Variants in TOR4A observed in about 807,000 individuals in gnomAD.
TOR4A encodes torsin family 4 member A.
A neutral mutation model predicts 11.5 loss-of-function variants in TOR4A; 12 were observed. That is an observed-to-expected ratio of 1.04 (90% CI 0.67 to 1.69). The LOEUF is 1.69. Among genes scored for constraint, TOR4A ranks in the 40% most tolerant of loss-of-function variants. The pLI is 0.00. For synonymous variants in TOR4A, 362 were observed against 307.4 expected (o/e 1.18, Z -1.86); for missense variants, 640 against 643.2 (o/e 0.99, Z 0.05).
In TOR4A at chr9:137,279,470, C is replaced by G; in HGVS notation, c.781C>G (p.Pro261Ala). Residue 261 changes from proline to alanine, a missense_variant, in exon 2 of 2, where the codon CCA (proline) becomes GCA (alanine). Pro to Ala is a conservative substitution (Grantham distance 27). Coordinates refer to ENST00000357503, the MANE Select transcript of TOR4A (RefSeq NM_017723.3). ...GCGGGCCGAAGCGGAGGAGAAGACC[C>G]CACTCTTGGTGCTGGACGACGTGGA... The part of the protein sequence containing the change: ...VARAEAEEKT[P>A]LLVLDDVELM... 1.3e-6 allele frequency: 2 copies of G among 1,554,348 alleles called. No individual in the cohort carries two copies. The highest frequency in any genetic ancestry group is 1.7e-6 in the Non-Finnish European group (2 of 1,150,762).
chr9:137,279,854 G>T lies in TOR4A; in HGVS notation c.1165G>T (p.Ala389Ser). 1 of 1,590,422 alleles carries T rather than the reference G, an allele frequency of 6.3e-7. No individual in the cohort carries two copies. ...MAGEGFFPDQ[A>S]RAENLAAQLS... ...GGGTGAGGGCTTCTTTCCTGACCAG[G>T]CCCGCGCGGAGAACCTGGCCGCGCA... The change falls in exon 2 of 2, where the codon GCC (alanine) becomes TCC (serine). Residue 389 changes from alanine to serine, a missense_variant. Coordinates refer to ENST00000357503, the MANE Select transcript of TOR4A (RefSeq NM_017723.3).
Position 137,279,143 on chromosome 9 carries a change from G to A in TOR4A, c.454G>A (p.Gly152Arg). ...TAACGCGCAGCGCTATGACCTCGAC[G>A]GGCTGGAGAAAGCGCTGCAGCGCGC... is the stretch of plus-strand genomic sequence containing the variant. ...DDNAQRYDLDGLEKALQRAVF... is the reference protein window; with the variant it reads ...DDNAQRYDLDRLEKALQRAVF... Residue 152 changes from glycine to arginine, a missense_variant, in exon 2 of 2, where the codon GGG becomes AGG. Transcript: ENST00000357503. 6.3e-7 allele frequency: 1 copy of A among 1,579,430 alleles called. No individual in the cohort carries two copies. The highest frequency in any genetic ancestry group is 8.6e-7 in the Non-Finnish European group (1 of 1,163,118).
At position 137,279,946 on chromosome 9, in the gene TOR4A, G is replaced by A. The variant is rs1436196938; in HGVS notation, c.1257G>A (p.Thr419=). 6.3e-7 allele frequency: 1 copy of A among 1,578,942 alleles called. No homozygotes were observed. The highest frequency in any genetic ancestry group is 1.8e-5 in the Admixed American group (1 of 55,416). Residue 419 remains threonine (T), a synonymous_variant, in exon 2 of 2, where the codon ACG becomes ACA. Transcript: ENST00000357503. The part of the protein sequence containing the change: ...AVTGCKQVVA[T]VNLL ...CCGGCTGCAAGCAGGTGGTGGCCAC[G>A]GTGAACCTCCTGTAGTGGAGGCGCA...
rs1830693191 is a variant in TOR4A at position 137,279,729 on chromosome 9, T to G, written c.1040T>G (p.Val347Gly). The change falls in exon 2 of 2, where the codon GTG becomes GGG. Residue 347 changes from valine (V) to glycine (G), a missense_variant. Transcript: ENST00000357503. The part of the protein sequence containing the change: ...EEDLRASLLA[V>G]LSREHPLWQA... ...GACCTGCGCGCCAGCCTGCTGGCTG[T>G]GCTGTCCCGGGAGCATCCGCTGTGG... The G allele has an allele frequency of 3.8e-6, 6 of 1,576,732 alleles. No homozygotes were observed. Among genetic ancestry groups the G allele is most frequent in the South Asian group, 1.1e-5 (1 of 88,152 alleles).
chr9:137,278,375 C>T (rs906835571), intron 1 of TOR4A, among the ~76,000 whole-genome samples: 4 of 152,202 alleles, frequency 2.6e-5, no homozygotes, highest in African/African-American at 9.6e-5. Flanking sequence ...ACCAGATAAG[C>T]CTCTACCCCG....
chr9:137,278,017 C>CG (rs763636112), intron 1 of TOR4A, 110 bp downstream of exon 1: 4 of 152,972 alleles, frequency 2.6e-5, no homozygotes, highest in Non-Finnish European at 5.8e-5. Flanking sequence ...CACTAGTCTC[C>CG]GGGGGGCTCC....
chr9:137,282,436 C>T lies in TOR4A; in HGVS notation c.*2475C>T, dbSNP rs1223241607. On this transcript the variant is annotated 3_prime_UTR_variant, in exon 2 of 2. Transcript: ENST00000357503. Reference sequence around the variant, plus strand: ...CAGGCTAGTCACGAACTCCTGACCTCGTGATCCGCCCACCTCGGCCTCCCA... The same window carrying T: ...CAGGCTAGTCACGAACTCCTGACCTTGTGATCCGCCCACCTCGGCCTCCCA... 6.2e-6 allele frequency: 1 copy of T among 162,432 alleles called. No individual in the cohort carries two copies. Among genetic ancestry groups the T allele is most frequent in the African/African-American group, 2.4e-5 (1 of 41,402 alleles). 10.1% of individuals were successfully genotyped at this position (162,432 alleles called of 1,614,324 possible). A position where few individuals can be genotyped will look rare whatever the true frequency, so the allele number is the denominator to read the frequency against.
At position 137,279,621 on chromosome 9, in the gene TOR4A, T is replaced by A; in HGVS notation, c.932T>A (p.Val311Glu). ...GAGGAEVTRF[V>E]LQNASRALPL... ...GGTGGCGCCGAGGTCACGCGCTTCG[T>A]GCTGCAGAACGCGTCCCGCGCGCTG... The change falls in exon 2 of 2, where the codon GTG (valine) becomes GAG (glutamate). Residue 311 changes from valine (V) to glutamate (E), a missense_variant. Transcript: ENST00000357503. 1 of 1,565,758 alleles carries A rather than the reference T, an allele frequency of 6.4e-7. No individual in the cohort carries two copies. The highest frequency in any genetic ancestry group is 8.6e-7 in the Non-Finnish European group (1 of 1,160,504).
Position 137,278,585 on chromosome 9 carries a change from G to A in TOR4A, c.-37-68G>A. On this transcript the variant is annotated intron_variant, in intron 1 of 1. Coordinates refer to ENST00000357503, the MANE Select transcript of TOR4A (RefSeq NM_017723.3). ...AGGGGGTAAGATCACTCCGGGGACC[G>A]GTTCCGGCGGCCCGCGGGAAAGGGC... 7.3e-6 allele frequency: 8 copies of A among 1,100,152 alleles called. No homozygotes were observed. The South Asian group carries it at 1.2e-4, about 16-fold the overall frequency. The allele number at this position is 1,100,152 out of a possible 1,614,324, so 68.1% of individuals were successfully genotyped here.
At chr9:137,277,983 CT>C (rs902073689) in intron 1 of TOR4A, 76 bp downstream of exon 1, 1 of 152,950 alleles carries the variant, frequency 6.5e-6, no homozygotes, top group Non-Finnish European at 1.5e-5. Context: ...CCTCTTCTTT[CT>C]GTCCATCTTT....
Position 137,278,993 on chromosome 9 carries a change from T to C in TOR4A, c.304T>C (p.Tyr102His), listed in dbSNP as rs1378131772. 1.9e-6 allele frequency: 3 copies of C among 1,606,878 alleles called. No individual in the cohort carries two copies. Among genetic ancestry groups the C allele is most frequent in the African/African-American group, 1.3e-5 (1 of 74,774 alleles). The stretch of plus-strand genomic sequence containing the variant: ...GCGCCGGCGCAGCCGCCTGGTGCTT[T>C]ACCCGGAGACCTCGCGCAAGTATCG... ...KKRRRSRLVL[Y>H]PETSRKYRPR... Residue 102 changes from tyrosine (Y) to histidine (H), a missense_variant, in exon 2 of 2, where the codon TAC becomes CAC. Physicochemically the swap from Tyr to His is moderately conservative, Grantham distance 83 (BLOSUM62 2). Transcript: ENST00000357503.
chr9:137,279,331 G>A lies in TOR4A; in HGVS notation c.642G>A (p.Val214=). 1 of 1,533,478 alleles carries A rather than the reference G, an allele frequency of 6.5e-7. No homozygotes were observed. Among genetic ancestry groups the A allele is most frequent in the Non-Finnish European group, 8.7e-7 (1 of 1,144,568 alleles). The allele number at this position is 1,533,478 out of a possible 1,614,324, so 95.0% of individuals were successfully genotyped here. ...TGCTGGCGCGCCACTTCCGCTCGGT[G>A]CTGGAGGACAGCGCGCTCGTGCTGC... The part of the protein sequence containing the change: ...GRLLARHFRS[V]LEDSALVLQY... The change falls in exon 2 of 2, where the codon GTG becomes GTA. Residue 214 remains valine (V), a synonymous_variant. Coordinates refer to ENST00000357503, the MANE Select transcript of TOR4A (RefSeq NM_017723.3).
Position 137,278,979 on chromosome 9 carries a change from G to T in TOR4A, c.290G>T (p.Ser97Ile). 1 of 1,606,178 alleles carries T rather than the reference G, an allele frequency of 6.2e-7. No individual in the cohort carries two copies. Among genetic ancestry groups the T allele is most frequent in the Non-Finnish European group, 8.5e-7 (1 of 1,177,750 alleles). Residue 97 changes from serine to isoleucine, a missense_variant, in exon 2 of 2, where the codon AGC becomes ATC. By Grantham distance (142) the Ser-to-Ile change is moderately radical. Transcript: ENST00000357503. ...ACGCCACGCAAGAAGCGCCGGCGCA[G>T]CCGCCTGGTGCTTTACCCGGAGACC... The part of the protein sequence containing the change: ...SRTPRKKRRR[S>I]RLVLYPETSR...
In TOR4A at chr9:137,279,474, T is replaced by G; in HGVS notation, c.785T>G (p.Leu262Arg). ...GCCGAAGCGGAGGAGAAGACCCCACTCTTGGTGCTGGACGACGTGGAGCTC... is the reference window on the plus strand; with the variant it reads ...GCCGAAGCGGAGGAGAAGACCCCACGCTTGGTGCTGGACGACGTGGAGCTC... Reference protein sequence around the residue: ...ARAEAEEKTPLLVLDDVELMP... With the variant: ...ARAEAEEKTPRLVLDDVELMP... The change falls in exon 2 of 2, where the codon CTC becomes CGC. Residue 262 changes from leucine to arginine, a missense_variant. Transcript: ENST00000357503. 9 of 1,556,928 alleles carry G rather than the reference T, an allele frequency of 5.8e-6. No individual in the cohort carries two copies. Among genetic ancestry groups the G allele is most frequent in the Non-Finnish European group, 7.8e-6 (9 of 1,152,226 alleles).
Position 137,278,946 on chromosome 9 carries a change from C to A in TOR4A, c.257C>A (p.Pro86His). 1 of 1,602,064 alleles carries A rather than the reference C, an allele frequency of 6.2e-7. No individual in the cohort carries two copies. The highest frequency in any genetic ancestry group is 8.5e-7 in the Non-Finnish European group (1 of 1,177,574). ...ACCTTCGACAGCCCCGCGGAGCTACCCTCCAGGACGCCACGCAAGAAGCGC... is the reference window on the plus strand; with the variant it reads ...ACCTTCGACAGCCCCGCGGAGCTACACTCCAGGACGCCACGCAAGAAGCGC... ...FFTFDSPAEL[P>H]SRTPRKKRRR... Residue 86 changes from proline to histidine, a missense_variant, in exon 2 of 2, where the codon CCC becomes CAC. Pro to His is a moderately conservative substitution (Grantham distance 77, BLOSUM62 -2). Coordinates refer to ENST00000357503, the MANE Select transcript of TOR4A (RefSeq NM_017723.3).
Position 137,279,378 on chromosome 9 carries a change from G to A in TOR4A, c.689G>A (p.Cys230Tyr). Residue 230 changes from cysteine to tyrosine, a missense_variant, in exon 2 of 2, where the codon TGC becomes TAC. By Grantham distance (194) the Cys-to-Tyr change is radical (BLOSUM62 -2). Coordinates refer to ENST00000357503, the MANE Select transcript of TOR4A (RefSeq NM_017723.3). ...LVLQYHARHHCPEARAAQDCR... is the reference protein window; with the variant it reads ...LVLQYHARHHYPEARAAQDCR... ...CTGCAATACCATGCGCGGCACCACT[G>A]CCCCGAGGCGCGCGCCGCACAGGAC... 6.6e-7 allele frequency: 1 copy of A among 1,521,152 alleles called. No homozygotes were observed. The highest frequency in any genetic ancestry group is 8.8e-7 in the Non-Finnish European group (1 of 1,136,866). 94.2% of individuals were successfully genotyped at this position (1,521,152 alleles called of 1,614,324 possible).
At position 137,279,581 on chromosome 9, in the gene TOR4A, C is replaced by G; in HGVS notation, c.892C>G (p.Leu298Val). Residue 298 changes from leucine to valine, a missense_variant, in exon 2 of 2, where the codon CTC becomes GTC. Coordinates refer to ENST00000357503, the MANE Select transcript of TOR4A (RefSeq NM_017723.3). Reference sequence around the variant, plus strand: ...CCACTTCCACAACGCCATCTACGTGCTCCTCAGTGGCGCGGGTGGCGCCGA... The same window carrying G: ...CCACTTCCACAACGCCATCTACGTGGTCCTCAGTGGCGCGGGTGGCGCCGA... ...SHHFHNAIYV[L>V]LSGAGGAEVT... 6.3e-7 allele frequency: 1 copy of G among 1,576,490 alleles called. No individual in the cohort carries two copies. The highest frequency in any genetic ancestry group is 8.6e-7 in the Non-Finnish European group (1 of 1,164,682).
In TOR4A at chr9:137,282,037, A is replaced by AC. The variant is rs1310373607; in HGVS notation, c.*2081dup. The stretch of plus-strand genomic sequence containing the variant: ...GGGTGCCCACTGCTCCCCAGGCAGG[A>AC]CCCCCAGGACTGTCAGCTCCCCTTC... On this transcript the variant is annotated 3_prime_UTR_variant, in exon 2 of 2. Coordinates refer to ENST00000357503, the MANE Select transcript of TOR4A (RefSeq NM_017723.3). 1 of 166,810 alleles carries AC rather than the reference A, an allele frequency of 6.0e-6. No individual in the cohort carries two copies. The highest frequency in any genetic ancestry group is 6.6e-5 in the Admixed American group (1 of 15,240). 10.3% of individuals were successfully genotyped at this position (166,810 alleles called of 1,614,324 possible). A position where few individuals can be genotyped will look rare whatever the true frequency, so the allele number is the denominator to read the frequency against.
Position 137,281,006 on chromosome 9 carries a change from GC to G in TOR4A, c.*1049del, listed in dbSNP as rs1438455985. 6.0e-6 allele frequency: 1 copy of G among 166,754 alleles called. No individual in the cohort carries two copies. The highest frequency in any genetic ancestry group is 2.4e-5 in the African/African-American group (1 of 41,462). 10.3% of individuals were successfully genotyped at this position (166,754 alleles called of 1,614,324 possible). ...CCCGGTGTCTGGGACGCACCCGGCAGCCCCGCTGCTGCCGCCTTGTGGCGCG... is the reference window on the plus strand; with the variant it reads ...CCCGGTGTCTGGGACGCACCCGGCAGCCCGCTGCTGCCGCCTTGTGGCGCG... On this transcript the variant is annotated 3_prime_UTR_variant, in exon 2 of 2. Transcript: ENST00000357503.
Sources: gnomAD v4.1 joint callset for allele counts (sites outside exome capture counted in the v4.1 genomes callset) on GRCh38, gnomAD v4.1.1 for gene constraint, MANE v1.5 for transcripts, NCBI Gene and HGNC (gene_info 2026-07-23, HGNC 2026-07-21) for gene names.